The following RALYL variants were observed in gnomAD, a reference collection of about 807,000 sequenced individuals.
The protein encoded by RALYL is RALY RNA binding protein like, also known as RNA-binding Raly-like protein.
In RALYL, 29 loss-of-function variants were observed where a neutral mutation model predicts 35.1. That is an observed-to-expected ratio of 0.83 (90% CI 0.61 to 1.13). The LOEUF (loss-of-function observed/expected upper bound fraction) is 1.13. RALYL is among the 50% of genes most tolerant of loss of function. The pLI, the probability that RALYL is intolerant of heterozygous loss-of-function variation, is 0.00. For synonymous variants in RALYL, 120 were observed against 127.6 expected, an observed-to-expected ratio of 0.94 and a Z score of 0.40; for missense variants, 359 against 360.4, an observed-to-expected ratio of 1.00 and a Z score of 0.03.
At chr8:84,621,786 A>T (rs1821558230) in intron 2 of RALYL, among the ~76,000 whole-genome samples, 2 of 152,224 alleles carry the variant, frequency 1.3e-5, no homozygotes, top group Admixed American at 6.5e-5. Flanking sequence ...GATGAGTTCT[A>T]AATTCAGACA....
At chr8:84,691,830 T>C (rs1193078409) in intron 2 of RALYL, among the ~76,000 whole-genome samples, 4 of 151,992 alleles carry the variant, frequency 2.6e-5, no homozygotes, top group East Asian at 3.8e-4. Context: ...TGTGCATAGA[T>C]ACAAAAATCC....
chr8:84,724,176 G>T (rs976658781), intron 2 of RALYL, among the ~76,000 whole-genome samples: 1 of 151,704 alleles, frequency 6.6e-6, no homozygotes, highest in African/African-American at 2.4e-5. Context: ...GTACCAGAGG[G>T]AGCCATAATA....
intron 2 of RALYL, among the ~76,000 whole-genome samples, chr8:84,725,612 T>A (rs1290364199): frequency 6.6e-6 from 1 of 151,734 alleles, no homozygotes; most frequent in African/African-American, 2.4e-5. Flanking sequence ...ATATTCAGCA[T>A]GTTCTAGTTG....
chr8:84,242,674 A>T (rs1412222060), intron 1 of RALYL, among the ~76,000 whole-genome samples: 1 of 151,798 alleles, frequency 6.6e-6, no homozygotes, highest in Non-Finnish European at 1.5e-5. Flanking sequence ...CCACTTTTTG[A>T]TGGGGTTGTT....
intron 2 of RALYL, among the ~76,000 whole-genome samples, chr8:84,765,734 C>T (rs1422931045): frequency 6.6e-6 from 1 of 151,772 alleles, no homozygotes; most frequent in African/African-American, 2.4e-5. Flanking sequence ...AGTAATGAAT[C>T]CCTAAATCTT....
chr8:84,371,044 G>C (rs1855575765), intron 1 of RALYL, among the ~76,000 whole-genome samples: 1 of 151,938 alleles, frequency 6.6e-6, no homozygotes, highest in African/African-American at 2.4e-5. Context: ...CCTATGATGT[G>C]AGCGAGAGTA....
At chr8:84,331,826 A>C (rs150448397) in intron 1 of RALYL, among the ~76,000 whole-genome samples, 416 of 152,240 alleles carry the variant, frequency 2.7e-3, no homozygotes, top group Middle Eastern at 0.01. Context: ...ATATTCTGTA[A>C]TCAAACACAT....
At chr8:84,524,842 T>C (rs1263014808) in intron 1 of RALYL, among the ~76,000 whole-genome samples, 4 of 151,944 alleles carry the variant, frequency 2.6e-5, no homozygotes, top group Non-Finnish European at 5.9e-5. Context: ...TACTTGAACT[T>C]TTTATTCTTC....
chr8:84,557,771 A>G (rs1233148661), intron 2 of RALYL, among the ~76,000 whole-genome samples: 2 of 147,334 alleles, frequency 1.4e-5, no homozygotes, highest in African/African-American at 5.1e-5. Flanking sequence ...GCCTAATGAG[A>G]AAAAAAAAAC....
At chr8:84,786,601 G>A in intron 3 of RALYL, among the ~76,000 whole-genome samples, 1 of 152,088 alleles carries the variant, frequency 6.6e-6, no homozygotes, top group Non-Finnish European at 1.5e-5. Context: ...TTTATTCCAT[G>A]TGTTCGCTGG....
chr8:84,727,504 G>A (rs182383710), intron 2 of RALYL, among the ~76,000 whole-genome samples: 5 of 150,654 alleles, frequency 3.3e-5, no homozygotes, highest in African/African-American at 1.2e-4. Flanking sequence ...CAAGTTTTAG[G>A]GTACATGTGC....
chr8:84,242,055 A>G (rs1215570463), intron 1 of RALYL, among the ~76,000 whole-genome samples: 1 of 152,010 alleles, frequency 6.6e-6, no homozygotes, highest in African/African-American at 2.4e-5. Context: ...CCATGTGTCC[A>G]TGTGTTCTCA....
At position 84,462,601 on chromosome 8, in the gene RALYL, A is replaced by ATTTT. The variant is rs10667055; in HGVS notation, c.-23-66686_-23-66683dup. On this transcript the variant is annotated intron_variant, in intron 1 of 8. Coordinates refer to ENST00000521268, the MANE Select transcript of RALYL (RefSeq NM_173848.7). ...AGGAATAAAGTATGTATCTAGATTCATTTTTTTTTTTTTTTGCATGTGGAT... is the reference window on the plus strand; with the variant it reads ...AGGAATAAAGTATGTATCTAGATTCATTTTTTTTTTTTTTTTTTTGCATGTGGAT... Among the ~76,000 whole-genome samples, 590 of 136,812 alleles carry ATTTT rather than the reference A, an allele frequency of 4.3e-3. 6 individuals are homozygous for ATTTT. The highest frequency in any genetic ancestry group is 0.014 in the African/African-American group (506 of 37,338). 89.8% of individuals were successfully genotyped at this position (136,812 alleles called of 152,430 possible). A position where few individuals can be genotyped will look rare whatever the true frequency, so the allele number is the denominator to read the frequency against.
chr8:84,361,701 G>T (rs1410750354), intron 1 of RALYL, among the ~76,000 whole-genome samples: 4 of 152,098 alleles, frequency 2.6e-5, no homozygotes, highest in Non-Finnish European at 1.5e-5. Flanking sequence ...GGAATCAAAG[G>T]CTGGAGGTAG....
intron 2 of RALYL, among the ~76,000 whole-genome samples, chr8:84,673,814 C>T (rs563360629): frequency 6.6e-5 from 10 of 152,030 alleles, no homozygotes; most frequent in South Asian, 2.1e-4. Context: ...GGTAGTGCAA[C>T]GCCTCCAGTT....
intron 1 of RALYL, among the ~76,000 whole-genome samples, chr8:84,241,621 T>C (rs1391394616): frequency 1.3e-5 from 2 of 151,738 alleles, no homozygotes; most frequent in African/African-American, 4.8e-5. Context: ...ATTAAAAATA[T>C]GAAAAAACTA....
At chr8:84,621,143 GTTTACCTAAGCACGCCT>G (rs1821310237) in intron 2 of RALYL, among the ~76,000 whole-genome samples, 1 of 152,196 alleles carries the variant, frequency 6.6e-6, no homozygotes, top group Admixed American at 6.5e-5. Flanking sequence ...TGGCTGCTCT[GTTTACCTAAGCACGCCT>G]GGGCAATGGT....
intron 2 of RALYL, among the ~76,000 whole-genome samples, chr8:84,566,102 G>T (rs2061763744): frequency 6.6e-6 from 1 of 151,380 alleles, no homozygotes. Flanking sequence ...TTTCACAGGG[G>T]CCATTAGACT....
intron 2 of RALYL, among the ~76,000 whole-genome samples, chr8:84,713,046 C>A (rs1346925654): frequency 6.6e-6 from 1 of 152,052 alleles, no homozygotes; most frequent in East Asian, 1.9e-4. Context: ...AAACTAATGT[C>A]AAGAAGCTTT....
Sources: gnomAD v4.1 joint callset for allele counts (sites outside exome capture counted in the v4.1 genomes callset) on GRCh38, gnomAD v4.1.1 for gene constraint, MANE v1.5 for transcripts, NCBI Gene and HGNC (gene_info 2026-07-23, HGNC 2026-07-21) for gene names.